The following LUZP2 variants were observed in gnomAD, a reference collection of about 807,000 sequenced individuals.
LUZP2 encodes leucine zipper protein 2.
A neutral mutation model predicts 51.6 loss-of-function variants in LUZP2; 52 were observed. That is an observed-to-expected ratio of 1.01 (90% CI 0.81 to 1.27). LUZP2 has a LOEUF of 1.27. LUZP2 is among the 50% of genes most tolerant of loss of function. The pLI, the probability that LUZP2 is intolerant of heterozygous loss-of-function variation, is 0.00. For synonymous variants in LUZP2, 154 were observed against 137.3 expected, an observed-to-expected ratio of 1.12 and a Z score of -0.85; for missense variants, 436 against 395.4, an observed-to-expected ratio of 1.10 and a Z score of -0.87.
At chr11:24,617,442 G>A (rs1229228780) in intron 1 of LUZP2, among the ~76,000 whole-genome samples, 1 of 152,112 alleles carries the variant, frequency 6.6e-6, no homozygotes, top group African/African-American at 2.4e-5. Flanking sequence ...TCTAACATCT[G>A]TTATCTTCAT....
intron 9 of LUZP2, among the ~76,000 whole-genome samples, chr11:24,995,044 T>C (rs746232635): frequency 5.8e-4 from 89 of 152,312 alleles, no homozygotes; most frequent in Non-Finnish European, 1.1e-3. Context: ...TACATTTCAA[T>C]TGTATAACTG....
intron 1 of LUZP2, among the ~76,000 whole-genome samples, chr11:24,705,888 T>C (rs1375363496): frequency 1.3e-5 from 2 of 148,890 alleles, no homozygotes; most frequent in East Asian, 4.0e-4. Context: ...AACCGGCTAC[T>C]CAAAATTCCA....
chr11:24,728,648 T>C (rs1449520476), intron 1 of LUZP2, among the ~76,000 whole-genome samples: 3 of 152,040 alleles, frequency 2.0e-5, no homozygotes, highest in Non-Finnish European at 4.4e-5. Flanking sequence ...CTTAACAGTC[T>C]TCTGAAATGA....
At chr11:25,022,972 A>G (rs1025843199) in intron 9 of LUZP2, among the ~76,000 whole-genome samples, 4 of 152,140 alleles carry the variant, frequency 2.6e-5, no homozygotes, top group African/African-American at 9.7e-5. Flanking sequence ...CATATGTTGA[A>G]CCAGCCTTGC....
chr11:25,004,236 G>A (rs575876890), intron 9 of LUZP2, among the ~76,000 whole-genome samples: 3 of 152,254 alleles, frequency 2.0e-5, no homozygotes, highest in South Asian at 2.1e-4. Context: ...TCAGCATAGC[G>A]GACATGGACG....
At chr11:24,804,084 C>T (rs1021158658) in intron 5 of LUZP2, among the ~76,000 whole-genome samples, 5 of 151,630 alleles carry the variant, frequency 3.3e-5, no homozygotes, top group Non-Finnish European at 5.9e-5. Flanking sequence ...ACTAGCAATT[C>T]CTTAATTTTC....
At chr11:24,926,129 T>A (rs1253394786) in intron 7 of LUZP2, among the ~76,000 whole-genome samples, 1 of 151,412 alleles carries the variant, frequency 6.6e-6, no homozygotes, top group Non-Finnish European at 1.5e-5. Context: ...TATACATACC[T>A]ATGGAACCAG....
intron 1 of LUZP2, among the ~76,000 whole-genome samples, chr11:24,603,443 C>A (rs1027075060): frequency 2.0e-5 from 3 of 151,682 alleles, no homozygotes; most frequent in Admixed American, 2.0e-4. Flanking sequence ...ATTTGAATAT[C>A]ATCCAAGTGA....
chr11:24,752,812 T>G (rs531022207), intron 4 of LUZP2, among the ~76,000 whole-genome samples: 2 of 152,216 alleles, frequency 1.3e-5, no homozygotes, highest in Non-Finnish European at 2.9e-5. Context: ...TCCAATGTAT[T>G]AGAAATCATG....
chr11:24,618,725 C>A (rs564924586), intron 1 of LUZP2, among the ~76,000 whole-genome samples: 1 of 152,232 alleles, frequency 6.6e-6, no homozygotes, highest in African/African-American at 2.4e-5. Context: ...CTCCCTTCAC[C>A]TTTCAGAGTT....
At chr11:24,733,379 G>A (rs765197450) in intron 3 of LUZP2, among the ~76,000 whole-genome samples, 4 of 151,772 alleles carry the variant, frequency 2.6e-5, no homozygotes, top group Non-Finnish European at 5.9e-5. Context: ...TTGTGGCTCT[G>A]TGAAGTAGTG....
intron 4 of LUZP2, among the ~76,000 whole-genome samples, chr11:24,747,432 C>T (rs1454004862): frequency 6.6e-6 from 1 of 152,066 alleles, no homozygotes. Flanking sequence ...GATACCAGCA[C>T]CTGTTCTGGT....
rs199607324 is a variant in LUZP2, at chr11:24,629,710, C to T, written c.63-99459C>T. On this transcript the variant is annotated intron_variant, in intron 1 of 11. Coordinates refer to ENST00000336930, the MANE Select transcript of LUZP2 (RefSeq NM_001009909.4). ...ATTTATTTTCCGCTGGATAGATACCCAGTAGTGGGATTGCTGGATTGAATG... is the reference window on the plus strand; with the variant it reads ...ATTTATTTTCCGCTGGATAGATACCTAGTAGTGGGATTGCTGGATTGAATG... Among the ~76,000 whole-genome samples, 3 of 151,570 alleles carry T rather than the reference C, an allele frequency of 2.0e-5. No homozygotes were observed. The East Asian group carries it at 5.8e-4, about 29-fold the overall frequency.
At chr11:24,973,112 T>A (rs888718188) in intron 7 of LUZP2, among the ~76,000 whole-genome samples, 1 of 150,008 alleles carries the variant, frequency 6.7e-6, no homozygotes, top group African/African-American at 2.4e-5. Flanking sequence ...ACTGCCTCAA[T>A]TTTAGAACTC....
At chr11:24,754,973 C>A (rs1859718970) in intron 4 of LUZP2, among the ~76,000 whole-genome samples, 1 of 152,034 alleles carries the variant, frequency 6.6e-6, no homozygotes, top group Non-Finnish European at 1.5e-5. Flanking sequence ...TGGTGAAACC[C>A]CGTCTCTACT....
chr11:24,709,870 A>T lies in LUZP2; in HGVS notation c.63-19299A>T, dbSNP rs566994894. Among the ~76,000 whole-genome samples, 3 of 152,278 alleles carry T rather than the reference A, an allele frequency of 2.0e-5. No homozygotes were observed. In the South Asian group the frequency reaches 6.2e-4, roughly 32 times the overall value. Reference sequence around the variant, plus strand: ...GTTCACCAGCAGTGAGTTTGTAGACAGGAGCTCATGGATGAAAAAGTTAAC... The same window carrying T: ...GTTCACCAGCAGTGAGTTTGTAGACTGGAGCTCATGGATGAAAAAGTTAAC... On this transcript the variant is annotated intron_variant, in intron 1 of 11. Transcript: ENST00000336930.
chr11:24,972,140 A>G (rs1247209398), intron 7 of LUZP2, among the ~76,000 whole-genome samples: 2 of 13,750 alleles, frequency 1.5e-4, no homozygotes, highest in African/African-American at 2.9e-4. Flanking sequence ...TGAGACTCCG[A>G]AAAAAAAAAA....
chr11:24,840,974 A>G (rs761402210), intron 5 of LUZP2, among the ~76,000 whole-genome samples: 5 of 152,028 alleles, frequency 3.3e-5, no homozygotes, highest in Non-Finnish European at 5.9e-5. Context: ...TATATGGATT[A>G]TTTATTTAAA....
chr11:25,042,005 C>T (rs573176497), intron 9 of LUZP2, among the ~76,000 whole-genome samples: 5 of 152,244 alleles, frequency 3.3e-5, no homozygotes, highest in East Asian at 1.9e-4. Flanking sequence ...CTGAAATCAT[C>T]GTCTCCCCAT....
Sources: allele counts gnomAD v4.1 joint callset (sites outside exome capture counted in the v4.1 genomes callset), GRCh38; gene constraint gnomAD v4.1.1; transcripts MANE v1.5; gene names NCBI Gene and HGNC (gene_info 2026-07-23, HGNC 2026-07-21).